The following FRMD4A variants were observed in gnomAD, a reference collection of about 807,000 sequenced individuals.
FRMD4A encodes the protein FERM domain containing 4A.
In FRMD4A, 29 loss-of-function variants were observed where a neutral mutation model predicts 129.1. The observed-to-expected ratio is 0.22, with a 90% CI of 0.17 to 0.31. The LOEUF (loss-of-function observed/expected upper bound fraction) is 0.31, where lower values mean the gene tolerates loss of function less well. Ranked by LOEUF, FRMD4A falls within the 10% of genes least tolerant of loss-of-function variation. FRMD4A has a pLI of 1.00. For missense variants in FRMD4A, 1,272 were observed against 1,375.8 expected, an observed-to-expected ratio of 0.92 and a Z score of 1.19; for synonymous variants, 634 against 571.6, an observed-to-expected ratio of 1.11 and a Z score of -1.56.
intron 14 of FRMD4A, among the ~76,000 whole-genome samples, chr10:13,699,224 G>GTTTTTTTTTTTTTTTTT (rs1168489802): frequency 1.2e-4 from 9 of 76,266 alleles, no homozygotes; most frequent in East Asian, 1.0e-3. Context: ...CTTGGTTATT[G>GTTTTTTTTTTTTTTTTT]TTTTTTTTTT....
intron 6 of FRMD4A, among the ~76,000 whole-genome samples, chr10:13,781,760 G>A (rs1052459029): frequency 6.6e-6 from 1 of 152,164 alleles, no homozygotes; most frequent in African/African-American, 2.4e-5. Flanking sequence ...CCACTTATAT[G>A]AAGTACTAGA....
At chr10:13,707,267 C>T (rs1004476032) in intron 12 of FRMD4A, 154 bp from the exon 13 acceptor site, 3 of 780,466 alleles carry the variant, frequency 3.8e-6, no homozygotes, top group African/African-American at 3.5e-5. Context: ...GACACACACA[C>T]ACACATACAC....
At chr10:13,655,169 T>C (rs1279421300) in intron 22 of FRMD4A, 2 of 152,266 alleles carry the variant, frequency 1.3e-5, no homozygotes, top group Non-Finnish European at 2.9e-5. Context: ...CCTACGTAAA[T>C]GCATCCTTTG....
chr10:13,773,710 T>C (rs1054348767), intron 6 of FRMD4A, among the ~76,000 whole-genome samples: 1 of 152,242 alleles, frequency 6.6e-6, no homozygotes, highest in Non-Finnish European at 1.5e-5. Flanking sequence ...TGGTGGATCA[T>C]CTTCTTCTGT....
chr10:14,019,227 A>G (rs748229004), intron 2 of FRMD4A, among the ~76,000 whole-genome samples: 1 of 152,218 alleles, frequency 6.6e-6, no homozygotes, highest in African/African-American at 2.4e-5. Context: ...AAAAGAAAAA[A>G]AAAGAAAGGA....
At chr10:14,290,809 A>T (rs1253707121) in intron 2 of FRMD4A, among the ~76,000 whole-genome samples, 4 of 152,090 alleles carry the variant, frequency 2.6e-5, no homozygotes, top group Admixed American at 2.6e-4. Flanking sequence ...TCATCTATAA[A>T]ATGGGAATAA....
At chr10:13,765,676 G>T (rs921479756) in intron 6 of FRMD4A, among the ~76,000 whole-genome samples, 3 of 152,208 alleles carry the variant, frequency 2.0e-5, no homozygotes, top group Non-Finnish European at 4.4e-5. Flanking sequence ...GCTTTACGGC[G>T]GTTGGAATTG....
chr10:13,699,647 G>A (rs3750878), intron 14 of FRMD4A, among the ~76,000 whole-genome samples: 4 of 151,894 alleles, frequency 2.6e-5, no homozygotes, highest in African/African-American at 7.3e-5. Flanking sequence ...GGGGTCTGCC[G>A]TCAAGGGGAA....
chr10:14,008,526 G>T, intron 2 of FRMD4A: 5 of 989,984 alleles, frequency 5.1e-6, no homozygotes, highest in Non-Finnish European at 6.0e-6. Context: ...GCTTCTCGTG[G>T]CTGCAGATGG....
At chr10:13,688,159 G>A (rs539226080) in intron 15 of FRMD4A, among the ~76,000 whole-genome samples, 6 of 152,226 alleles carry the variant, frequency 3.9e-5, no homozygotes, top group South Asian at 2.1e-4. Flanking sequence ...GTCCAACAAC[G>A]ATAGACTGGA....
chr10:14,272,982 G>A (rs58433389), intron 2 of FRMD4A, among the ~76,000 whole-genome samples: 13,814 of 152,074 alleles, frequency 0.091, 805 homozygotes, highest in Non-Finnish European at 0.13. Context: ...TTGGTAACCT[G>A]AGGCAGACGG....
chr10:13,920,655 C>T (rs2610815), intron 2 of FRMD4A, among the ~76,000 whole-genome samples: 138,935 of 152,286 alleles, frequency 0.91, 63,478 homozygotes, highest in Middle Eastern at 0.94. Flanking sequence ...GTCATTACTG[C>T]GGTGTCAGAA....
intron 15 of FRMD4A, among the ~76,000 whole-genome samples, chr10:13,689,224 G>T (rs1430098506): frequency 9.4e-6 from 1 of 106,456 alleles, no homozygotes; most frequent in African/African-American, 3.2e-5. Context: ...GGGGGGGAGG[G>T]CTATAACTTT....
chr10:13,691,105 A>T (rs1422198605), intron 15 of FRMD4A, among the ~76,000 whole-genome samples: 1 of 152,140 alleles, frequency 6.6e-6, no homozygotes, highest in Non-Finnish European at 1.5e-5. Context: ...CTCCTGCCTC[A>T]GCCTCGAAAA....
At chr10:13,943,239 G>T (rs544787911) in intron 2 of FRMD4A, among the ~76,000 whole-genome samples, 2 of 152,244 alleles carry the variant, frequency 1.3e-5, no homozygotes, top group African/African-American at 4.8e-5. Flanking sequence ...CTCCCCTCAG[G>T]CCTCTCCACC....
At chr10:13,692,476 A>G (rs2085803226) in intron 15 of FRMD4A, 1 of 152,274 alleles carries the variant, frequency 6.6e-6, no homozygotes, top group African/African-American at 2.4e-5. Context: ...AAAAATACAA[A>G]ACATATTATG....
chr10:14,014,331 AT>A (rs2095691419), intron 2 of FRMD4A, among the ~76,000 whole-genome samples: 1 of 152,228 alleles, frequency 6.6e-6, no homozygotes, highest in Non-Finnish European at 1.5e-5. Context: ...ATGTAACAAA[AT>A]ATCACACGCC....
At chr10:14,278,736 C>T (rs558116161) in intron 2 of FRMD4A, among the ~76,000 whole-genome samples, 29 of 152,262 alleles carry the variant, frequency 1.9e-4, no homozygotes, top group African/African-American at 7.0e-4. Flanking sequence ...AGAGGCTGTG[C>T]ACACTTTACA....
At chr10:13,975,341 T>C (rs918903011) in intron 2 of FRMD4A, among the ~76,000 whole-genome samples, 5 of 151,968 alleles carry the variant, frequency 3.3e-5, no homozygotes, top group Middle Eastern at 3.4e-3. Context: ...TGAGCCTCTA[T>C]GTATGTGTCT....
Sources: allele counts gnomAD v4.1 joint callset (sites outside exome capture counted in the v4.1 genomes callset), GRCh38; gene constraint gnomAD v4.1.1; transcripts MANE v1.5; gene names NCBI Gene and HGNC (gene_info 2026-07-23, HGNC 2026-07-21).